Variants in LAMC2 observed in about 807,000 individuals in gnomAD.
LAMC2 encodes the protein laminin subunit gamma 2.
LAMC2 carries 97 observed loss-of-function variants against 140.2 expected under a neutral mutation model. The ratio of observed to expected loss-of-function variants is 0.69; its 90% CI spans 0.59 to 0.82. The LOEUF is 0.82. Ranked by LOEUF, LAMC2 falls within the 40% of genes least tolerant of loss-of-function variation. LAMC2 has a pLI of 0.00. For synonymous variants in LAMC2, 513 were observed against 540.2 expected (o/e 0.95, Z 0.70); for missense variants, 1,402 against 1,476.1 (o/e 0.95, Z 0.82).
At chr1:183,251,409 T>A in the LAMC2 span, 2 of 152,260 alleles carry the variant, frequency 1.3e-5, no homozygotes, top group African/African-American at 4.8e-5. Context: ...CATCCTGGAC[T>A]TACAATATGA....
intron 12 of LAMC2, among the ~76,000 whole-genome samples, chr1:183,231,430 T>A (rs922423512): frequency 6.6e-6 from 1 of 152,152 alleles, no homozygotes; most frequent in Non-Finnish European, 1.5e-5. Flanking sequence ...TACTTGAAAT[T>A]TTTCAAAGTG....
chr1:183,235,835 T>A, intron 16 of LAMC2, 105 bp downstream of exon 16: 1 of 1,167,962 alleles, frequency 8.6e-7, no homozygotes. Context: ...AAAAACATAT[T>A]ATTAATGATA....
In LAMC2 at chr1:183,239,380, G is replaced by A; in HGVS notation, c.2886G>A (p.Val962=). 1 of 1,614,130 alleles carries A rather than the reference G, an allele frequency of 6.2e-7. No homozygotes were observed. The highest frequency in any genetic ancestry group is 8.5e-7 in the Non-Finnish European group (1 of 1,180,016). The change falls in exon 20 of 23, where the codon GTG becomes GTA. Residue 962 remains valine (V), a synonymous_variant. Transcript: ENST00000264144. ...TCATTTCAGAGTTTGACCTGCAGGTGGACAACAGAAAAGCAGAAGCTGAAG... is the reference window on the plus strand; with the variant it reads ...TCATTTCAGAGTTTGACCTGCAGGTAGACAACAGAAAAGCAGAAGCTGAAG... The part of the protein sequence containing the change: ...LKNLREFDLQ[V]DNRKAEAEEA...
chr1:183,248,022 C>T (rs899849102), downstream of LAMC2, among the ~76,000 whole-genome samples: 9 of 152,184 alleles, frequency 5.9e-5, no homozygotes, highest in Non-Finnish European at 1.3e-4. Flanking sequence ...AACGGAGGCA[C>T]AATTTACAAA....
chr1:183,246,936 G>A (rs900877708), downstream of LAMC2, among the ~76,000 whole-genome samples: 1 of 152,216 alleles, frequency 6.6e-6, no homozygotes, highest in African/African-American at 2.4e-5. Context: ...GAAGAAATGT[G>A]TATGTGCACA....
intron 22 of LAMC2, among the ~76,000 whole-genome samples, chr1:183,242,087 T>C (rs1356829679): frequency 6.6e-6 from 1 of 152,226 alleles, no homozygotes; most frequent in Non-Finnish European, 1.5e-5. Context: ...ACAGGTCATG[T>C]AGTAAATTGT....
At chr1:183,248,930 G>C (rs2102264647), downstream of LAMC2, 1 of 151,500 alleles carries the variant, frequency 6.6e-6, no homozygotes, top group East Asian at 2.0e-4. Flanking sequence ...GTGTGTGTGT[G>C]TGTCAGTTTG....
At chr1:183,213,847 C>A (rs916487655) in intron 2 of LAMC2, among the ~76,000 whole-genome samples, 7 of 151,552 alleles carry the variant, frequency 4.6e-5, no homozygotes, top group Admixed American at 2.0e-4. Flanking sequence ...AGGCAGATCA[C>A]CTAAGATTGG....
At position 183,207,931 on chromosome 1, in the gene LAMC2, CACAG is replaced by C. The variant is rs1057516806; in HGVS notation, c.134_137del (p.Arg45LysfsTer63). On this transcript the variant is annotated frameshift_variant, in exon 2 of 23. Transcript: ENST00000264144. LOFTEE classifies it high-confidence loss of function. ...GCAGTGTATCTTTGATCGGGAACTT[CACAG>C]ACAAACTGGTAATGGATTCCGCTGC... 5 of 1,611,606 alleles carry C rather than the reference CACAG, an allele frequency of 3.1e-6. No individual in the cohort carries two copies. The highest frequency in any genetic ancestry group is 4.2e-6 in the Non-Finnish European group (5 of 1,179,808).
intron 1 of LAMC2, among the ~76,000 whole-genome samples, chr1:183,191,194 C>A (rs1998681): frequency 6.6e-6 from 1 of 151,826 alleles, no homozygotes; most frequent in Non-Finnish European, 1.5e-5. Context: ...TAAGTATGAT[C>A]TTTTTTTTCC....
At chr1:183,192,187 G>A (rs1219395709) in intron 1 of LAMC2, among the ~76,000 whole-genome samples, 3 of 152,220 alleles carry the variant, frequency 2.0e-5, no homozygotes, top group African/African-American at 7.2e-5. Context: ...TGTATCAGGT[G>A]AGGGGTGGAG....
At chr1:183,218,034 A>AAATGAT (rs1237286791) in intron 3 of LAMC2, among the ~76,000 whole-genome samples, 2 of 152,264 alleles carry the variant, frequency 1.3e-5, no homozygotes, top group Non-Finnish European at 2.9e-5. Flanking sequence ...ATAGGGAAAC[A>AAATGAT]AATGATAATT....
chr1:183,248,377 A>T (rs1660283553), downstream of LAMC2: 1 of 152,666 alleles, frequency 6.6e-6, no homozygotes, highest in Non-Finnish European at 1.5e-5. Flanking sequence ...TTTTTTATTA[A>T]TGAATTGATT....
At chr1:183,203,114 TA>T (rs1247683286) in intron 1 of LAMC2, among the ~76,000 whole-genome samples, 4 of 152,204 alleles carry the variant, frequency 2.6e-5, no homozygotes, top group African/African-American at 7.2e-5. Context: ...CAAAAATATA[TA>T]TTTTTTTAAT....
chr1:183,232,942 C>T (rs1204961719), intron 14 of LAMC2, 85 bp downstream of exon 14: 3 of 1,255,344 alleles, frequency 2.4e-6, no homozygotes, highest in Non-Finnish European at 1.2e-6. Flanking sequence ...ATTTCTGTCT[C>T]TCAGTGGCTC....
chr1:183,216,798 TC>T (rs942470701), intron 3 of LAMC2, among the ~76,000 whole-genome samples: 2 of 152,112 alleles, frequency 1.3e-5, no homozygotes, highest in Non-Finnish European at 2.9e-5. Flanking sequence ...TGCTTCTGTG[TC>T]CCCATGCCTG....
In LAMC2 at chr1:183,223,206, G is replaced by A; in HGVS notation, c.835G>A (p.Gly279Ser). Reference protein sequence around the residue: ...LSFDYRVDRGGRHPSAHDVIL... With the variant: ...LSFDYRVDRGSRHPSAHDVIL... Reference sequence around the variant, plus strand: ...CTTTGACTACCGTGTGGACAGAGGAGGCAGACACCCATCTGCCCATGATGT... The same window carrying A: ...CTTTGACTACCGTGTGGACAGAGGAAGCAGACACCCATCTGCCCATGATGT... The change falls in exon 7 of 23, where the codon GGC becomes AGC. Residue 279 changes from glycine to serine, a missense_variant. Physicochemically the swap from Gly to Ser is moderately conservative, Grantham distance 56. Coordinates refer to ENST00000264144, the MANE Select transcript of LAMC2 (RefSeq NM_005562.3). 6.2e-7 allele frequency: 1 copy of A among 1,614,180 alleles called. No homozygotes were observed. Among genetic ancestry groups the A allele is most frequent in the South Asian group, 1.1e-5 (1 of 91,074 alleles).
At chr1:183,238,936 G>C (rs540381922) in intron 19 of LAMC2, among the ~76,000 whole-genome samples, 1 of 152,230 alleles carries the variant, frequency 6.6e-6, no homozygotes, top group South Asian at 2.1e-4. Flanking sequence ...AAAATTTCAG[G>C]CTTCTTCACT....
chr1:183,211,488 TTTTG>T (rs1659068460), intron 2 of LAMC2, among the ~76,000 whole-genome samples: 2 of 152,276 alleles, frequency 1.3e-5, no homozygotes, highest in East Asian at 3.9e-4. Context: ...TGTTTATATG[TTTTG>T]TTTATTTGTT....
Sources: allele counts gnomAD v4.1 joint callset (sites outside exome capture counted in the v4.1 genomes callset), GRCh38; gene constraint gnomAD v4.1.1; transcripts MANE v1.5; gene names NCBI Gene and HGNC (gene_info 2026-07-23, HGNC 2026-07-21).